The following SVIL variants were observed in gnomAD, a reference collection of about 807,000 sequenced individuals.
SVIL encodes supervillin, also known as archvillin.
In SVIL, 101 loss-of-function variants were observed where a neutral mutation model predicts 240.4. The ratio of observed to expected loss-of-function variants is 0.42; its 90% CI spans 0.36 to 0.50. The LOEUF (loss-of-function observed/expected upper bound fraction) is 0.50. Among genes scored for constraint, SVIL ranks in the 20% least tolerant of loss-of-function variants. SVIL has a pLI of 0.01. For missense variants in SVIL, 2,512 were observed against 2,818.7 expected (o/e 0.89, Z 2.46); for synonymous variants, 999 against 1,100.0 (o/e 0.91, Z 1.82).
chr10:29,600,905 G>A lies in SVIL; in HGVS notation c.-200-31593C>T, dbSNP rs78859976. 6.1e-3 allele frequency among the ~76,000 whole-genome samples: 923 copies of A among 152,164 alleles called. 9 individuals are homozygous for A. The highest frequency in any genetic ancestry group is 0.021 in the African/African-American group (855 of 41,502). ...TCAATACATATGATTATGAAGTTCCGGGTTCTTTCTCACACTCAGTGGTGA... is the reference window on the plus strand; with the variant it reads ...TCAATACATATGATTATGAAGTTCCAGGTTCTTTCTCACACTCAGTGGTGA... On this transcript the variant is annotated intron_variant, in intron 1 of 37. Coordinates refer to ENST00000355867, the MANE Select transcript of SVIL (RefSeq NM_021738.3).
At chr10:29,582,088 G>C (rs1955967893) in intron 1 of SVIL, among the ~76,000 whole-genome samples, 1 of 152,192 alleles carries the variant, frequency 6.6e-6, no homozygotes, top group Non-Finnish European at 1.5e-5. Context: ...TTGTTGAATA[G>C]GTAGAGTTTC....
chr10:29,558,319 T>C (rs944342987), intron 3 of SVIL, among the ~76,000 whole-genome samples: 4 of 152,224 alleles, frequency 2.6e-5, no homozygotes, highest in Non-Finnish European at 4.4e-5. Flanking sequence ...AATGAGCTTA[T>C]AAATTAAATT....
chr10:29,716,136 T>G (rs1269794723), intron 1 of SVIL, among the ~76,000 whole-genome samples: 1 of 152,220 alleles, frequency 6.6e-6, no homozygotes, highest in African/African-American at 2.4e-5. Context: ...ATAAAGTGTT[T>G]CCATTTAAAT....
chr10:29,706,188 C>T (rs1192312404), intron 1 of SVIL, among the ~76,000 whole-genome samples: 2 of 152,128 alleles, frequency 1.3e-5, no homozygotes, highest in Non-Finnish European at 1.5e-5. Context: ...AATGGGATTG[C>T]TGGGTCAAAT....
intron 22 of SVIL, among the ~76,000 whole-genome samples, chr10:29,489,098 C>T (rs1196010154): frequency 2.6e-5 from 4 of 152,344 alleles, no homozygotes; most frequent in South Asian, 2.1e-4. Context: ...TAAATCCTAA[C>T]AACTTTTACA....
At chr10:29,678,494 G>T (rs139614941) in intron 2 of SVIL, among the ~76,000 whole-genome samples, 14 of 152,114 alleles carry the variant, frequency 9.2e-5, no homozygotes, top group African/African-American at 3.1e-4. Flanking sequence ...AGTTTCACTC[G>T]TTCACCTGCC....
intron 12 of SVIL, among the ~76,000 whole-genome samples, chr10:29,528,965 C>G (rs1036801208): frequency 1.4e-4 from 21 of 152,006 alleles, no homozygotes; most frequent in African/African-American, 3.9e-4. Flanking sequence ...CACCTGAGGT[C>G]AGGAGTTTGA....
In SVIL at chr10:29,735,102, C is replaced by G. The variant is rs975925867; in HGVS notation, c.-400+649G>C. ...CCTTCTGGAGCTCCACTCGGGGTGCCAGGGACTGCTGGCTGTCACCCGGGG... is the reference window on the plus strand; with the variant it reads ...CCTTCTGGAGCTCCACTCGGGGTGCGAGGGACTGCTGGCTGTCACCCGGGG... On this transcript the variant is annotated intron_variant, in intron 1 of 35. Coordinates refer to the SVIL transcript ENST00000375400. The surrounding 1 kb of genome is among the most constrained non-coding windows in gnomAD (Gnocchi z 4.1). Among the ~76,000 whole-genome samples the G allele has an allele frequency of 1.3e-5, 2 of 151,930 alleles. No homozygotes were observed. Among genetic ancestry groups the G allele is most frequent in the Admixed American group, 1.3e-4 (2 of 15,268 alleles).
intron 17 of SVIL, among the ~76,000 whole-genome samples, chr10:29,500,877 C>G (rs7906689): frequency 0.11 from 16,505 of 152,064 alleles, 1,053 homozygotes; most frequent in South Asian, 0.21. Flanking sequence ...CTTCCTGATT[C>G]AGGAGGGACA....
chr10:29,529,175 CAAAAAAAAAAAAAA>C (rs66523560), intron 12 of SVIL, among the ~76,000 whole-genome samples: 1 of 66,070 alleles, frequency 1.5e-5, no homozygotes. Context: ...GACTCTCTCT[CAAAAAAAAAAAAAA>C]AAAAAAAAAA....
intron 1 of SVIL, among the ~76,000 whole-genome samples, chr10:29,689,042 G>C (rs1961300118): frequency 6.7e-6 from 1 of 149,932 alleles, no homozygotes; most frequent in African/African-American, 2.5e-5. Flanking sequence ...TAAACTAAAA[G>C]AAGGAGTTGT....
chr10:29,470,371 G>A lies in SVIL; in HGVS notation c.5748C>T (p.Asn1916=). ...LRSRTSMVVL[N]VNKALIYLWH... is the part of the protein sequence containing the mutation. The stretch of plus-strand genomic sequence containing the variant: ...ACAGGTAGATGAGGGCCTTGTTGAC[G>A]TTAAGCACCACCATGGAAGTTCTGG... The change falls in exon 32 of 38, where the codon AAC becomes AAT. Residue 1916 remains asparagine, a synonymous_variant. Coordinates refer to ENST00000355867, the MANE Select transcript of SVIL (RefSeq NM_021738.3). 4 of 1,614,206 alleles carry A rather than the reference G, an allele frequency of 2.5e-6. No individual in the cohort carries two copies. Among genetic ancestry groups the A allele is most frequent in the South Asian group, 1.1e-5 (1 of 91,080 alleles).
At chr10:29,667,462 G>A (rs1959397984) in intron 2 of SVIL, among the ~76,000 whole-genome samples, 1 of 152,144 alleles carries the variant, frequency 6.6e-6, no homozygotes. Flanking sequence ...GGCTGAGTGT[G>A]GGAACTGATG....
rs74132319 is a variant in SVIL at position 29,543,982 on chromosome 10, T to C, written c.827+6615A>G. On this transcript the variant is annotated intron_variant, in intron 6 of 37. Transcript: ENST00000355867. ...GATGCAGCAACTGGCTGGCAGAGAA[T>C]TGTATTACCAGGAAATAATAACTCA... Among the ~76,000 whole-genome samples the C allele has an allele frequency of 6.4e-3, 972 of 152,238 alleles. 12 individuals are homozygous for C. The highest frequency in any genetic ancestry group is 0.022 in the African/African-American group (905 of 41,548).
chr10:29,685,113 T>C (rs1960961863), intron 2 of SVIL, among the ~76,000 whole-genome samples: 1 of 152,178 alleles, frequency 6.6e-6, no homozygotes, highest in African/African-American at 2.4e-5. Flanking sequence ...GTTGTTCCCC[T>C]CCTAGTATCC....
intron 18 of SVIL, among the ~76,000 whole-genome samples, chr10:29,497,178 G>A (rs973831337): frequency 1.1e-4 from 16 of 152,108 alleles, no homozygotes; most frequent in African/African-American, 3.6e-4. Context: ...CCCACGTCTC[G>A]CTCCTTCCCT....
intron 1 of SVIL, among the ~76,000 whole-genome samples, chr10:29,609,801 C>A (rs1449192874): frequency 1.3e-5 from 2 of 152,210 alleles, no homozygotes; most frequent in African/African-American, 2.4e-5. Flanking sequence ...ACCCTGTGTT[C>A]ACTCACTCAC....
intron 1 of SVIL, among the ~76,000 whole-genome samples, chr10:29,720,213 A>T (rs1963891334): frequency 6.6e-6 from 1 of 152,230 alleles, no homozygotes; most frequent in Non-Finnish European, 1.5e-5. Flanking sequence ...TTTAAAAAAT[A>T]AAAATACTAA....
intron 21 of SVIL, among the ~76,000 whole-genome samples, 182 bp downstream of exon 21, chr10:29,493,032 C>T (rs988222268): frequency 4.6e-5 from 7 of 152,164 alleles, no homozygotes; most frequent in Non-Finnish European, 8.8e-5. Context: ...GTTTTATCTG[C>T]TGCGAGGCTC....
Sources: allele counts gnomAD v4.1 joint callset (sites outside exome capture counted in the v4.1 genomes callset), GRCh38; gene constraint gnomAD v4.1.1; non-coding constraint Gnocchi (gnomAD v3.1); transcripts MANE v1.5; gene names NCBI Gene and HGNC (gene_info 2026-07-23, HGNC 2026-07-21).